ARHGEF12: variants seen among roughly 807,000 people sequenced by gnomAD.
ARHGEF12 encodes the protein Rho guanine nucleotide exchange factor 12, also known as KMT2A/ARHGEF12 fusion protein.
ARHGEF12 carries 66 observed loss-of-function variants against 211.2 expected under a neutral mutation model. The observed-to-expected ratio is 0.31, with a 90% CI of 0.26 to 0.38. The LOEUF is 0.38. Among genes scored for constraint, ARHGEF12 ranks in the 10% least tolerant of loss-of-function variants. The probability of loss-of-function intolerance (pLI) is 1.00; values close to 1 mark genes in which losing one functional copy is unlikely to be tolerated. For synonymous variants in ARHGEF12, 592 were observed against 638.4 expected, an observed-to-expected ratio of 0.93 and a Z score of 1.09; for missense variants, 1,429 against 1,869.5, an observed-to-expected ratio of 0.76 and a Z score of 4.34.
intron 37 of ARHGEF12, among the ~76,000 whole-genome samples, chr11:120,478,651 G>A (rs1947136533): frequency 6.6e-6 from 1 of 152,188 alleles, no homozygotes; most frequent in East Asian, 1.9e-4. Context: ...GAAAAAGGCT[G>A]AGAACAATTT....
chr11:120,342,103 T>C (rs956652908), intron 1 of ARHGEF12, among the ~76,000 whole-genome samples: 2 of 152,210 alleles, frequency 1.3e-5, no homozygotes, highest in African/African-American at 4.8e-5. Context: ...CTAGATTTTC[T>C]GGCTCTCAAG....
At chr11:120,429,622 C>T in intron 9 of ARHGEF12, 90 bp from the exon 10 acceptor site, 1 of 1,543,094 alleles carries the variant, frequency 6.5e-7, no homozygotes, top group Non-Finnish European at 8.9e-7. Flanking sequence ...TAACCAATGC[C>T]ATTAGTTATA....
intron 1 of ARHGEF12, among the ~76,000 whole-genome samples, chr11:120,352,856 A>G (rs1591490638): frequency 6.6e-6 from 1 of 152,318 alleles, no homozygotes; most frequent in African/African-American, 2.4e-5. Flanking sequence ...CTTCCTGCCT[A>G]TATCAGAACC....
intron 1 of ARHGEF12, among the ~76,000 whole-genome samples, chr11:120,344,265 C>CAAAAAAAAAAAA (rs71473103): frequency 1.5e-4 from 8 of 53,024 alleles, no homozygotes; most frequent in African/African-American, 5.0e-4. Context: ...GACTCCGTCT[C>CAAAAAAAAAAAA]AAAAAAAAAA....
Position 120,420,808 on chromosome 11 carries a change from G to T in ARHGEF12, c.255G>T (p.Thr85=). The T allele has an allele frequency of 6.2e-7, 1 of 1,614,048 alleles. No individual in the cohort carries two copies. Among genetic ancestry groups the T allele is most frequent in the South Asian group, 1.1e-5 (1 of 91,044 alleles). ...AAGATGACAATGGATTTGGGCTGAC[G>T]GTCAGTGGAGACAATCCAGTCTTCG... ...IQKDDNGFGL[T]VSGDNPVFVQ... The change falls in exon 5 of 41, where the codon ACG becomes ACT. Residue 85 remains threonine, a synonymous_variant. Coordinates refer to ENST00000397843, the MANE Select transcript of ARHGEF12 (RefSeq NM_015313.3).
At chr11:120,477,887 A>AAG (rs1565513981) in intron 36 of ARHGEF12, among the ~76,000 whole-genome samples, 25 of 150,624 alleles carry the variant, frequency 1.7e-4, no homozygotes, top group South Asian at 8.5e-4. Flanking sequence ...AAAAAAGAAA[A>AAG]AAAAGAAAAT....
intron 1 of ARHGEF12, among the ~76,000 whole-genome samples, chr11:120,375,849 A>G (rs1199196003): frequency 6.6e-6 from 1 of 152,070 alleles, no homozygotes; most frequent in East Asian, 1.9e-4. Flanking sequence ...ACAGTTTCTC[A>G]GATTTTTCTT....
intron 39 of ARHGEF12, among the ~76,000 whole-genome samples, chr11:120,483,191 C>T (rs963955397): frequency 1.3e-5 from 2 of 151,942 alleles, no homozygotes; most frequent in African/African-American, 4.8e-5. Context: ...AGTCATTTCC[C>T]CTACCTGATC....
chr11:120,336,994 A>T lies in ARHGEF12; in HGVS notation c.-250A>T, dbSNP rs940955420. On this transcript the variant is annotated 5_prime_UTR_variant, in exon 1 of 41. Transcript: ENST00000397843. ...TGTGCCTTCTGGAGGATTTCTCTCTAGCTCGACTCACTCTGGACTGACTCG... is the reference window on the plus strand; with the variant it reads ...TGTGCCTTCTGGAGGATTTCTCTCTTGCTCGACTCACTCTGGACTGACTCG... The T allele has an allele frequency of 4.2e-5, 22 of 521,568 alleles. No individual in the cohort carries two copies. Among genetic ancestry groups the T allele is most frequent in the Admixed American group, 1.1e-4 (3 of 28,062 alleles). The allele number at this position is 521,568 out of a possible 1,614,324, so 32.3% of individuals were successfully genotyped here.
At position 120,485,350 on chromosome 11, in the gene ARHGEF12, G is replaced by A. The variant is rs557801254; in HGVS notation, c.*273G>A. 2.1e-3 allele frequency: 803 copies of A among 383,996 alleles called. 13 individuals are homozygous for A. The South Asian group carries it at 0.023, about 11-fold the overall frequency. 23.8% of individuals were successfully genotyped at this position (383,996 alleles called of 1,614,324 possible). A position where few individuals can be genotyped will look rare whatever the true frequency, so the allele number is the denominator to read the frequency against. On this transcript the variant is annotated 3_prime_UTR_variant, in exon 41 of 41. Coordinates refer to ENST00000397843, the MANE Select transcript of ARHGEF12 (RefSeq NM_015313.3). ...TTTTGATTCAGAATAAAAACCAAAT[G>A]TATAGAGCTTTGGGTGTAGGATATG... is the stretch of plus-strand genomic sequence containing the variant.
chr11:120,448,652 A>G (rs936030963), intron 20 of ARHGEF12: 4 of 361,392 alleles, frequency 1.1e-5, no homozygotes, highest in Non-Finnish European at 2.0e-5. Flanking sequence ...CTGTGTTGCT[A>G]CATAATCGTC....
intron 4 of ARHGEF12, among the ~76,000 whole-genome samples, chr11:120,415,131 TGTAGAAATCAGAAAAAGTA>T: frequency 6.6e-6 from 1 of 152,330 alleles, no homozygotes; most frequent in Admixed American, 6.5e-5. Flanking sequence ...CTATATGAGT[TGTAGAAATCAGAAAAAGTA>T]AAAGTGATGA....
chr11:120,460,585 A>T, intron 26 of ARHGEF12, 87 bp from the exon 27 acceptor site: 6 of 945,788 alleles, frequency 6.3e-6, no homozygotes, highest in East Asian at 2.5e-5. Context: ...CGTCTTTATA[A>T]AAAAAAAAAA....
intron 22 of ARHGEF12, 55 bp downstream of exon 22, chr11:120,451,779 C>A: frequency 6.7e-7 from 1 of 1,494,166 alleles, no homozygotes; most frequent in Admixed American, 2.0e-5. Flanking sequence ...AAAACAAACA[C>A]ACTAACTGAA....
chr11:120,341,818 T>C (rs772684027), intron 1 of ARHGEF12, among the ~76,000 whole-genome samples: 3 of 152,252 alleles, frequency 2.0e-5, no homozygotes, highest in East Asian at 3.8e-4. Context: ...CATGCTCCTT[T>C]CCCTTATAAT....
Position 120,336,516 on chromosome 11 carries a change from G to C in ARHGEF12, c.-728G>C, listed in dbSNP as rs1001787436. Among the ~76,000 whole-genome samples, 10 of 152,058 alleles carry C rather than the reference G, an allele frequency of 6.6e-5. No homozygotes were observed. Among genetic ancestry groups the C allele is most frequent in the African/African-American group, 9.6e-5 (4 of 41,554 alleles). On this transcript the variant is annotated 5_prime_UTR_variant, in exon 1 of 41. Coordinates refer to ENST00000397843, the MANE Select transcript of ARHGEF12 (RefSeq NM_015313.3). ...ACGGGCATCTCCCGCCCCTCGCGGG[G>C]AGCGTCGGGGAGGAGCCGCCGCCTC...
intron 13 of ARHGEF12, among the ~76,000 whole-genome samples, chr11:120,441,084 A>G (rs1945855527): frequency 6.6e-6 from 1 of 152,116 alleles, no homozygotes. Context: ...TCAATTTGCC[A>G]TATTTTACTG....
chr11:120,444,148 A>G (rs140748325), intron 15 of ARHGEF12, among the ~76,000 whole-genome samples: 97 of 152,256 alleles, frequency 6.4e-4, no homozygotes, highest in African/African-American at 2.3e-3. Context: ...TCACTTAAGT[A>G]TGTGTTAAGT....
chr11:120,409,146 A>G (rs1220529000), intron 3 of ARHGEF12: 6 of 474,030 alleles, frequency 1.3e-5, no homozygotes, highest in African/African-American at 3.9e-5. Flanking sequence ...TATATTTTGT[A>G]TACTATTCAT....
Sources: gnomAD v4.1 joint callset for allele counts (sites outside exome capture counted in the v4.1 genomes callset) on GRCh38, gnomAD v4.1.1 for gene constraint, MANE v1.5 for transcripts, NCBI Gene and HGNC (gene_info 2026-07-23, HGNC 2026-07-21) for gene names.